FRMD4A: variants seen among roughly 807,000 people sequenced by gnomAD.
FRMD4A encodes the protein FERM domain containing 4A.
In FRMD4A, 29 loss-of-function variants were observed where a neutral mutation model predicts 129.1. That is an observed-to-expected ratio of 0.22 (90% CI 0.17 to 0.31). The LOEUF (loss-of-function observed/expected upper bound fraction) is 0.31. Among genes scored for constraint, FRMD4A ranks in the 10% least tolerant of loss-of-function variants. The pLI is 1.00. For missense variants in FRMD4A, 1,272 were observed against 1,375.8 expected, an observed-to-expected ratio of 0.92 and a Z score of 1.19; for synonymous variants, 634 against 571.6, an observed-to-expected ratio of 1.11 and a Z score of -1.56.
intron 2 of FRMD4A, among the ~76,000 whole-genome samples, chr10:14,158,377 G>C (rs781676930): frequency 6.6e-6 from 1 of 152,130 alleles, no homozygotes; most frequent in Admixed American, 6.5e-5. Context: ...TTGGGAGGCC[G>C]AGGCAGGAAG....
chr10:13,822,488 C>T (rs2093644329), intron 3 of FRMD4A, among the ~76,000 whole-genome samples: 1 of 152,324 alleles, frequency 6.6e-6, no homozygotes, highest in South Asian at 2.1e-4. Context: ...CAGTCCCTGA[C>T]ACACAGTAGG....
chr10:14,299,273 G>C (rs1452036331), intron 2 of FRMD4A, among the ~76,000 whole-genome samples: 1 of 152,172 alleles, frequency 6.6e-6, no homozygotes, highest in Admixed American at 6.5e-5. Context: ...TTTAGCCATA[G>C]CCTCTGGCTG....
intron 3 of FRMD4A, among the ~76,000 whole-genome samples, chr10:13,846,425 C>T (rs1406882716): frequency 6.6e-6 from 1 of 152,210 alleles, no homozygotes; most frequent in Non-Finnish European, 1.5e-5. Context: ...CCCCGCAGAG[C>T]CTCCCTGTCA....
At chr10:13,839,178 G>T (rs1207991160) in intron 3 of FRMD4A, among the ~76,000 whole-genome samples, 1 of 151,508 alleles carries the variant, frequency 6.6e-6, no homozygotes, top group Non-Finnish European at 1.5e-5. Context: ...ATTTTTGTTT[G>T]TTTGTTTTTT....
intron 15 of FRMD4A, among the ~76,000 whole-genome samples, chr10:13,688,372 C>T (rs934720683): frequency 6.6e-6 from 1 of 151,676 alleles, no homozygotes; most frequent in African/African-American, 2.4e-5. Flanking sequence ...GGAAGGGGAA[C>T]ATCACACACT....
At position 13,906,162 on chromosome 10, in the gene FRMD4A, C is replaced by T. The variant is rs146883853; in HGVS notation, c.46-47250G>A. 2.2e-3 allele frequency among the ~76,000 whole-genome samples: 332 copies of T among 152,352 alleles called. 3 individuals carry two copies. Among genetic ancestry groups the T allele is most frequent in the South Asian group, 0.016 (77 of 4,822 alleles). On this transcript the variant is annotated intron_variant, in intron 2 of 24. Coordinates refer to ENST00000357447, the MANE Select transcript of FRMD4A (RefSeq NM_018027.5). ...GATTCTGTTGATTTTCAACGTAACC[C>T]TCATGGCAATCACAGTCACATCTCT...
At chr10:13,890,969 G>T in intron 2 of FRMD4A, 2 of 383,540 alleles carry the variant, frequency 5.2e-6, no homozygotes, top group East Asian at 1.6e-4. Flanking sequence ...TTACGCACAG[G>T]CAGCCCACGC....
chr10:13,853,214 C>T (rs551452132), intron 3 of FRMD4A, among the ~76,000 whole-genome samples: 7 of 152,102 alleles, frequency 4.6e-5, no homozygotes, highest in Non-Finnish European at 1.0e-4. Flanking sequence ...ATGGAGAGCA[C>T]TCCTATGTGT....
chr10:14,261,468 C>T (rs537799740), intron 2 of FRMD4A, among the ~76,000 whole-genome samples: 414 of 152,290 alleles, frequency 2.7e-3, no homozygotes, highest in Non-Finnish European at 4.6e-3. Context: ...ATGGCTCTAA[C>T]GCTTCTTCTT....
At chr10:14,055,456 C>CACAA (rs1565216204) in intron 2 of FRMD4A, among the ~76,000 whole-genome samples, 2 of 24,770 alleles carry the variant, frequency 8.1e-5, no homozygotes, top group African/African-American at 3.8e-4. Flanking sequence ...CACACACACA[C>CACAA]ACACAAACAC....
intron 2 of FRMD4A, among the ~76,000 whole-genome samples, chr10:14,141,980 G>T (rs892717381): frequency 6.6e-6 from 1 of 152,108 alleles, no homozygotes; most frequent in Non-Finnish European, 1.5e-5. Context: ...ATGTGTATTT[G>T]CTCTAACAGG....
At chr10:13,779,940 G>C (rs2400014) in intron 6 of FRMD4A, among the ~76,000 whole-genome samples, 42,565 of 152,144 alleles carry the variant, frequency 0.28, 6,922 homozygotes, top group East Asian at 0.51. Context: ...AGCCCTAAGG[G>C]GGTGTGACGG....
intron 2 of FRMD4A, among the ~76,000 whole-genome samples, chr10:13,933,801 G>C (rs1027048716): frequency 6.6e-6 from 1 of 152,204 alleles, no homozygotes; most frequent in Non-Finnish European, 1.5e-5. Flanking sequence ...AAAGGAAGCA[G>C]CTTCCCCAAG....
intron 12 of FRMD4A, chr10:13,710,778 T>A (rs2087938821): frequency 6.6e-6 from 1 of 152,274 alleles, no homozygotes; most frequent in African/African-American, 2.4e-5. Flanking sequence ...TTTGGGAGGC[T>A]GAGGTGGGCA....
At chr10:14,218,955 C>CAAAAAAAAAAAAAA (rs56064346) in intron 2 of FRMD4A, among the ~76,000 whole-genome samples, 1 of 72,638 alleles carries the variant, frequency 1.4e-5, no homozygotes, top group African/African-American at 7.7e-5. Context: ...GACTTCATCT[C>CAAAAAAAAAAAAAA]AAAAAAAAAA....
intron 2 of FRMD4A, among the ~76,000 whole-genome samples, chr10:14,224,001 T>C (rs867603343): frequency 2.6e-5 from 4 of 152,198 alleles, no homozygotes; most frequent in Admixed American, 6.5e-5. Flanking sequence ...GAGTTTGCCC[T>C]GCATTCCCTC....
chr10:14,316,063 C>T (rs1418602063), intron 2 of FRMD4A, among the ~76,000 whole-genome samples: 14 of 152,162 alleles, frequency 9.2e-5, no homozygotes, highest in Admixed American at 2.0e-4. Context: ...CTTCTTTTTC[C>T]CTTGTATGAG....
chr10:13,913,072 TA>T (rs533215051), intron 2 of FRMD4A, among the ~76,000 whole-genome samples: 4,932 of 126,484 alleles, frequency 0.039, 211 homozygotes, highest in African/African-American at 0.12. Flanking sequence ...AAACTCCATT[TA>T]AAAAAAAAAA....
chr10:14,102,770 G>GAAA (rs3033974), intron 2 of FRMD4A, among the ~76,000 whole-genome samples: 141 of 148,974 alleles, frequency 9.5e-4, no homozygotes, highest in African/African-American at 1.2e-3. Context: ...AAGATAGTGA[G>GAAA]AAAAAAAAAA....
Sources: gnomAD v4.1 joint callset for allele counts (sites outside exome capture counted in the v4.1 genomes callset) on GRCh38, gnomAD v4.1.1 for gene constraint, MANE v1.5 for transcripts, NCBI Gene and HGNC (gene_info 2026-07-23, HGNC 2026-07-21) for gene names.